The following CUL1 variants were observed in gnomAD, a reference collection of about 807,000 sequenced individuals.
The protein encoded by CUL1 is cullin-1.
A neutral mutation model predicts 118.0 loss-of-function variants in CUL1; 24 were observed. The ratio of observed to expected loss-of-function variants is 0.20; its 90% CI spans 0.15 to 0.29. CUL1 has a LOEUF of 0.29. Ranked by LOEUF, CUL1 falls within the 10% of genes least tolerant of loss-of-function variation. CUL1 has a pLI of 1.00. For missense variants in CUL1, 361 were observed against 933.8 expected, an observed-to-expected ratio of 0.39 and a Z score of 7.99; for synonymous variants, 332 against 340.4, an observed-to-expected ratio of 0.98 and a Z score of 0.27.
chr7:148,716,587 C>A (rs1461549223), intron 1 of CUL1, among the ~76,000 whole-genome samples: 1 of 152,162 alleles, frequency 6.6e-6, no homozygotes, highest in Non-Finnish European at 1.5e-5. Context: ...CCATGGGTAA[C>A]CAATTTTATT....
intron 2 of CUL1, among the ~76,000 whole-genome samples, chr7:148,746,825 G>A (rs537134382): frequency 6.6e-6 from 1 of 152,118 alleles, no homozygotes; most frequent in Non-Finnish European, 1.5e-5. Context: ...TACATGTTAC[G>A]ATTGATGTCT....
chr7:148,755,988 T>C (rs1799642809), intron 3 of CUL1, among the ~76,000 whole-genome samples: 2 of 152,236 alleles, frequency 1.3e-5, no homozygotes, highest in Admixed American at 6.5e-5. Flanking sequence ...GCTTCTCTGC[T>C]GCACACACCT....
At position 148,765,785 on chromosome 7, in the gene CUL1, C is replaced by T. The variant is rs1799984860; in HGVS notation, c.790-776C>T. Among the ~76,000 whole-genome samples the T allele has an allele frequency of 1.3e-5, 2 of 152,142 alleles. 1 individual carries two copies. The highest frequency in any genetic ancestry group is 4.1e-4 in the South Asian group (2 of 4,832). ...AATAGTTTCTCTCTAAATTTTTGAACAGTCTGATTTCTGATGATGATTTCC... is the reference window on the plus strand; with the variant it reads ...AATAGTTTCTCTCTAAATTTTTGAATAGTCTGATTTCTGATGATGATTTCC... On this transcript the variant is annotated intron_variant, in intron 7 of 21. Coordinates refer to ENST00000325222, the MANE Select transcript of CUL1 (RefSeq NM_003592.3).
rs187201124 is a variant in CUL1, at chr7:148,739,624, A to C, written c.140+9362A>C. On this transcript the variant is annotated intron_variant, in intron 2 of 21. Transcript: ENST00000325222. Reference sequence around the variant, plus strand: ...GTTAGTTTTAGTTCTTTATATGTCAAGGATACCAGTGTTTTGTCAGATATA... The same window carrying C: ...GTTAGTTTTAGTTCTTTATATGTCACGGATACCAGTGTTTTGTCAGATATA... 1.6e-3 allele frequency among the ~76,000 whole-genome samples: 244 copies of C among 152,268 alleles called. 2 individuals carry two copies. Among genetic ancestry groups the C allele is most frequent in the African/African-American group, 5.7e-3 (237 of 41,554 alleles).
intron 9 of CUL1, among the ~76,000 whole-genome samples, chr7:148,772,562 T>A (rs767325693): frequency 1.6e-4 from 24 of 152,182 alleles, no homozygotes; most frequent in Non-Finnish European, 2.6e-4. Flanking sequence ...CAAACTGAAA[T>A]CGTTGTTTCA....
chr7:148,751,550 A>T (rs1030258537), intron 2 of CUL1, among the ~76,000 whole-genome samples: 1 of 151,560 alleles, frequency 6.6e-6, no homozygotes, highest in South Asian at 2.1e-4. Flanking sequence ...AAAAAAAAAA[A>T]AAAACCTCTC....
At chr7:148,738,800 T>C (rs1263921061) in intron 2 of CUL1, among the ~76,000 whole-genome samples, 1 of 152,272 alleles carries the variant, frequency 6.6e-6, no homozygotes, top group South Asian at 2.1e-4. Context: ...GTCCTCATAC[T>C]GTTTTAATTT....
chr7:148,738,126 C>T lies in CUL1; in HGVS notation c.140+7864C>T, dbSNP rs533068780. 1.8e-3 allele frequency among the ~76,000 whole-genome samples: 276 copies of T among 152,112 alleles called. 1 individual carries two copies. Among genetic ancestry groups the T allele is most frequent in the African/African-American group, 6.4e-3 (265 of 41,492 alleles). ...ATAACTAAAAGTCAAGAATTGATTC[C>T]CCAGGTGTGTTCACTTCAGAAATAA... On this transcript the variant is annotated intron_variant, in intron 2 of 21. Transcript: ENST00000325222.
intron 1 of CUL1, among the ~76,000 whole-genome samples, chr7:148,727,584 G>A (rs548720980): frequency 6.6e-6 from 1 of 152,324 alleles, no homozygotes; most frequent in South Asian, 2.1e-4. Context: ...CCTGGAGTAA[G>A]TGTTAAGAAG....
chr7:148,783,338 A>G (rs1800708289), intron 9 of CUL1: 1 of 983,792 alleles, frequency 1.0e-6, no homozygotes, highest in Admixed American at 6.2e-5. Context: ...CCGCAGTCAG[A>G]CTCCCGCCCT....
intron 9 of CUL1, among the ~76,000 whole-genome samples, chr7:148,783,032 G>A (rs997496184): frequency 4.6e-5 from 7 of 152,196 alleles, no homozygotes; most frequent in African/African-American, 1.7e-4. Context: ...GCCCAGTGTG[G>A]GCTTTCGCGG....
intron 3 of CUL1, among the ~76,000 whole-genome samples, chr7:148,754,577 C>G (rs1204335737): frequency 1.3e-5 from 2 of 152,248 alleles, no homozygotes; most frequent in Non-Finnish European, 2.9e-5. Context: ...AAATGATGAA[C>G]TTTTTCATTT....
intron 1 of CUL1, among the ~76,000 whole-genome samples, chr7:148,713,971 C>A (rs112382356): frequency 6.6e-6 from 1 of 152,128 alleles, no homozygotes; most frequent in African/African-American, 2.4e-5. Context: ...CCACCTGCCT[C>A]GGCCTCCCAA....
intron 1 of CUL1, among the ~76,000 whole-genome samples, chr7:148,704,335 T>A (rs1332406797): frequency 1.3e-5 from 2 of 152,172 alleles, no homozygotes; most frequent in African/African-American, 4.8e-5. Flanking sequence ...ATGGTGAAGG[T>A]ATGGAGAAAT....
At chr7:148,715,424 A>G (rs1415553436) in intron 1 of CUL1, among the ~76,000 whole-genome samples, 2 of 152,204 alleles carry the variant, frequency 1.3e-5, no homozygotes, top group African/African-American at 4.8e-5. Flanking sequence ...ACTTTTCATA[A>G]TAGACCTTTT....
intron 1 of CUL1, among the ~76,000 whole-genome samples, chr7:148,710,173 C>T (rs1255142085): frequency 6.6e-6 from 1 of 152,204 alleles, no homozygotes; most frequent in African/African-American, 2.4e-5. Context: ...AAACCCACCA[C>T]TCTTAGGGTG....
intron 1 of CUL1, among the ~76,000 whole-genome samples, chr7:148,703,988 C>CT (rs1313435087): frequency 6.6e-6 from 1 of 152,134 alleles, no homozygotes. Context: ...AGCACGGGAA[C>CT]TGTAAAGGAA....
At chr7:148,746,230 C>T (rs1799306111) in intron 2 of CUL1, among the ~76,000 whole-genome samples, 1 of 152,194 alleles carries the variant, frequency 6.6e-6, no homozygotes, top group African/African-American at 2.4e-5. Flanking sequence ...AAGTTTAAAA[C>T]CCCTAGCCCT....
intron 1 of CUL1, among the ~76,000 whole-genome samples, chr7:148,726,134 A>G (rs1798575008): frequency 6.6e-6 from 1 of 152,204 alleles, no homozygotes; most frequent in African/African-American, 2.4e-5. Context: ...TCATAGATTA[A>G]CAGTACGTTT....
Sources: gnomAD v4.1 joint callset for allele counts (sites outside exome capture counted in the v4.1 genomes callset) on GRCh38, gnomAD v4.1.1 for gene constraint, MANE v1.5 for transcripts, NCBI Gene and HGNC (gene_info 2026-07-23, HGNC 2026-07-21) for gene names.